Variants in TRIM26 observed in about 807,000 individuals in gnomAD.
The protein encoded by TRIM26 is tripartite motif containing 26.
In TRIM26, 16 loss-of-function variants were observed where a neutral mutation model predicts 45.5. That is an observed-to-expected ratio of 0.35 (90% confidence interval 0.24 to 0.53). The LOEUF (loss-of-function observed/expected upper bound fraction) is 0.53, where lower values mean the gene tolerates loss of function less well. Ranked by LOEUF, TRIM26 falls within the 20% of genes least tolerant of loss-of-function variation. The probability of loss-of-function intolerance (pLI) is 0.92; values close to 1 mark genes in which losing one functional copy is unlikely to be tolerated. For missense variants in TRIM26, 442 were observed against 691.1 expected, an observed-to-expected ratio of 0.64 and a Z score of 4.04; for synonymous variants, 273 against 290.4, an observed-to-expected ratio of 0.94 and a Z score of 0.61.
At position 30,198,832 on chromosome 6, in the gene TRIM26, T is replaced by A. The variant is rs147738640; in HGVS notation, c.272A>T (p.Glu91Val). 1 of 1,612,052 alleles carries A rather than the reference T, an allele frequency of 6.2e-7. No individual in the cohort carries two copies. Among genetic ancestry groups the A allele is most frequent in the African/African-American group, 1.3e-5 (1 of 74,686 alleles). ...TGCATCCTGCTGCTCCCGGGTCACC[T>A]CTCCCGGCTGCCTGCCCTTGTCCAC... Reference protein sequence around the residue: ...LKVDKGRQPGEVTREQQDAKL... With the variant: ...LKVDKGRQPGVVTREQQDAKL... The change falls in exon 4 of 10, where the codon GAG becomes GTG. Residue 91 changes from glutamate (E) to valine (V), a missense_variant. Physicochemically the swap from Glu to Val is moderately radical, Grantham distance 121. Transcript: ENST00000454678. This position sits in a 1 kb window ranked among gnomAD's most constrained non-coding sequence, Gnocchi z 6.3.
chr6:30,186,274 C>T lies in TRIM26; in HGVS notation c.1222G>A (p.Asp408Asn). The change falls in exon 10 of 10, where the codon GAC (aspartate) becomes AAC (asparagine). Residue 408 changes from aspartate to asparagine, a missense_variant. Coordinates refer to ENST00000454678, the MANE Select transcript of TRIM26 (RefSeq NM_003449.5). This position sits in a 1 kb window ranked among gnomAD's most constrained non-coding sequence, Gnocchi z 7.4. ...EEEAGYGDGY[D>N]DWETDEDEES... ...TCATCTTCGTCCGTTTCCCAGTCGT[C>T]ATATCCATCCCCATAGCCGGCCTCC... 2 of 1,608,430 alleles carry T rather than the reference C, an allele frequency of 1.2e-6. No homozygotes were observed. Among genetic ancestry groups the T allele is most frequent in the Non-Finnish European group, 1.7e-6 (2 of 1,176,864 alleles).
chr6:30,212,918 A>T (rs1460928899), intron 1 of TRIM26, among the ~76,000 whole-genome samples: 3 of 40,228 alleles, frequency 7.5e-5, no homozygotes, highest in Non-Finnish European at 1.9e-4. Flanking sequence ...CTCCGAACAA[A>T]AAAAAAAAAA....
intron 6 of TRIM26, among the ~76,000 whole-genome samples, chr6:30,195,937 T>A (rs1776415982): frequency 6.6e-6 from 1 of 151,978 alleles, no homozygotes; most frequent in Admixed American, 6.6e-5. Context: ...CCCCAAACCC[T>A]CCCTTTCTCA....
At chr6:30,199,857 T>C (rs1182575211) in intron 3 of TRIM26, among the ~76,000 whole-genome samples, 2 of 152,208 alleles carry the variant, frequency 1.3e-5, no homozygotes, top group East Asian at 1.9e-4. Flanking sequence ...AGGATGGTCT[T>C]GATCTCCCGA....
At position 30,196,550 on chromosome 6, in the gene TRIM26, C is replaced by A; in HGVS notation, c.731G>T (p.Gly244Val). The A allele has an allele frequency of 6.2e-7, 1 of 1,610,794 alleles. No individual in the cohort carries two copies. The part of the protein sequence containing the change: ...RLALVISELE[G>V]KAQQPAAELM... ...CTCTGCAGCTGGCTGCTGCGCCTTG[C>A]CCTCCAGTTCGGAGATGACCAGGGC... The change falls in exon 6 of 10, where the codon GGC (glycine) becomes GTC (valine). Residue 244 changes from glycine to valine, a missense_variant. Coordinates refer to ENST00000454678, the MANE Select transcript of TRIM26 (RefSeq NM_003449.5). The surrounding 1 kb of genome is among the most constrained non-coding windows in gnomAD (Gnocchi z 4.9).
chr6:30,199,888 G>C (rs182990157), intron 3 of TRIM26, among the ~76,000 whole-genome samples: 1 of 151,848 alleles, frequency 6.6e-6, no homozygotes, highest in African/African-American at 2.4e-5. Flanking sequence ...CACCTGCCTC[G>C]GCCTCCCAAA....
In TRIM26 at chr6:30,185,773, G is replaced by A. The variant is rs984354054; in HGVS notation, c.*103C>T. 3 of 1,353,574 alleles carry A rather than the reference G, an allele frequency of 2.2e-6. No individual in the cohort carries two copies. The highest frequency in any genetic ancestry group is 3.0e-6 in the Non-Finnish European group (3 of 997,710). The allele number at this position is 1,353,574 out of a possible 1,614,324, so 83.8% of individuals were successfully genotyped here. A position where few individuals can be genotyped will look rare whatever the true frequency, so the allele number is the denominator to read the frequency against. On this transcript the variant is annotated 3_prime_UTR_variant, in exon 10 of 10. Coordinates refer to ENST00000454678, the MANE Select transcript of TRIM26 (RefSeq NM_003449.5). The surrounding 1 kb of genome is among the most constrained non-coding windows in gnomAD (Gnocchi z 5.7). ...GCTACCAGTGGATATGGGGTCCCCT[G>A]CTCCAGGTGCTTAGGCCAGGCATCC...
chr6:30,188,217 C>CAAAAAAAAAAAAAA (rs9280914), intron 9 of TRIM26: 73 of 105,366 alleles, frequency 6.9e-4, no homozygotes, highest in African/African-American at 1.0e-3. Flanking sequence ...GACTCCGTCT[C>CAAAAAAAAAAAAAA]AAAAAAAAAA....
At position 30,189,865 on chromosome 6, in the gene TRIM26, T is replaced by C. The variant is rs185548548; in HGVS notation, c.788+148A>G. The C allele has an allele frequency of 5.3e-4, 487 of 910,886 alleles. 2 individuals carry two copies. The highest frequency in any genetic ancestry group is 1.3e-3 in the Middle Eastern group (4 of 3,198). 56.4% of individuals were successfully genotyped at this position (910,886 alleles called of 1,614,324 possible). ...GTCTCCAGTTCTCAATGATGTGTCC[T>C]GCTCCTCAGAAGGGCATCAGGATGA... On this transcript the variant is annotated intron_variant, in intron 7 of 9. Transcript: ENST00000454678. This position sits in a 1 kb window ranked among gnomAD's most constrained non-coding sequence, Gnocchi z 5.0.
chr6:30,185,767 T>A lies in TRIM26; in HGVS notation c.*109A>T. 7.9e-7 allele frequency: 1 copy of A among 1,271,624 alleles called. No homozygotes were observed. Among genetic ancestry groups the A allele is most frequent in the South Asian group, 1.5e-5 (1 of 66,242 alleles). 78.8% of individuals were successfully genotyped at this position (1,271,624 alleles called of 1,614,324 possible). On this transcript the variant is annotated 3_prime_UTR_variant, in exon 10 of 10. Transcript: ENST00000454678. This position sits in a 1 kb window ranked among gnomAD's most constrained non-coding sequence, Gnocchi z 5.7. ...GAGGTGGCTACCAGTGGATATGGGG[T>A]CCCCTGCTCCAGGTGCTTAGGCCAG... is the stretch of plus-strand genomic sequence containing the variant.
In TRIM26 at chr6:30,193,182, A is replaced by ATATATAT. The variant is rs9280916; in HGVS notation, c.766-3148_766-3147insATATATA. On this transcript the variant is annotated intron_variant, in intron 6 of 9. Coordinates refer to ENST00000454678, the MANE Select transcript of TRIM26 (RefSeq NM_003449.5). ...TGTGTGTATATATATATATATATAT[A>ATATATAT]TTTTTTTTTTTTTTTTTTTAATGGA... Among the ~76,000 whole-genome samples the ATATATAT allele has an allele frequency of 4.6e-4, 18 of 38,806 alleles. 1 individual carries two copies. Among genetic ancestry groups the ATATATAT allele is most frequent in the Non-Finnish European group, 7.8e-4 (18 of 22,994 alleles). 25.5% of individuals were successfully genotyped at this position (38,806 alleles called of 152,430 possible). A position where few individuals can be genotyped will look rare whatever the true frequency, so the allele number is the denominator to read the frequency against.
chr6:30,211,685 T>C (rs1937083983), intron 1 of TRIM26, among the ~76,000 whole-genome samples: 4 of 152,148 alleles, frequency 2.6e-5, no homozygotes, highest in African/African-American at 9.7e-5. Flanking sequence ...AAAAGCTCTA[T>C]AAAAATACTA....
chr6:30,188,173 T>C (rs913895516), intron 9 of TRIM26: 28 of 151,260 alleles, frequency 1.9e-4, no homozygotes, highest in Non-Finnish European at 3.6e-4. Flanking sequence ...TGAGCCGAGA[T>C]TGCGCCACTG....
chr6:30,184,541 T>A lies in TRIM26; in HGVS notation c.*1335A>T, dbSNP rs1201610744. 1 of 152,460 alleles carries A rather than the reference T, an allele frequency of 6.6e-6. No homozygotes were observed. Among genetic ancestry groups the A allele is most frequent in the Non-Finnish European group, 1.5e-5 (1 of 68,046 alleles). The allele number at this position is 152,460 out of a possible 1,614,324, so 9.4% of individuals were successfully genotyped here. ...AGAATACAAGAGTAGTATAAGATGT[T>A]ATCCGCCCTCCAGGAGCTTACAAAA... On this transcript the variant is annotated 3_prime_UTR_variant, in exon 10 of 10. Transcript: ENST00000454678.
At position 30,199,219 on chromosome 6, in the gene TRIM26, G is replaced by A; in HGVS notation, c.-116C>T. 1.0e-6 allele frequency: 1 copy of A among 990,482 alleles called. No homozygotes were observed. Among genetic ancestry groups the A allele is most frequent in the Non-Finnish European group, 1.4e-6 (1 of 692,050 alleles). 61.4% of individuals were successfully genotyped at this position (990,482 alleles called of 1,614,324 possible). A position where few individuals can be genotyped will look rare whatever the true frequency, so the allele number is the denominator to read the frequency against. On this transcript the variant is annotated 5_prime_UTR_variant, in exon 4 of 10. Coordinates refer to ENST00000454678, the MANE Select transcript of TRIM26 (RefSeq NM_003449.5). ...GGGGCAAAGGTGGCAGCCTGCACAGGGCTGCCAGCTCCAGCACTCAGTCAA... is the reference window on the plus strand; with the variant it reads ...GGGGCAAAGGTGGCAGCCTGCACAGAGCTGCCAGCTCCAGCACTCAGTCAA...
At chr6:30,211,354 G>A (rs1778267712) in intron 1 of TRIM26, among the ~76,000 whole-genome samples, 1 of 152,204 alleles carries the variant, frequency 6.6e-6, no homozygotes, top group African/African-American at 2.4e-5. Context: ...GCCAATTTAT[G>A]TTTTTGTCTT....
chr6:30,189,515 G>A lies in TRIM26; in HGVS notation c.807C>T (p.Phe269=), dbSNP rs765979. 4 of 1,612,858 alleles carry A rather than the reference G, an allele frequency of 2.5e-6. No homozygotes were observed. The African/African-American group carries it at 5.3e-5, about 22-fold the overall frequency. ...DFLNRYPRKK[F]WVGKPIARVV... is the part of the protein sequence containing the mutation. ...CTCGAGCAATGGGTTTCCCAACCCA[G>A]AACTTCTTCCGTGGATACCTAAGAA... is the stretch of plus-strand genomic sequence containing the variant. Residue 269 remains phenylalanine (F), a synonymous_variant, in exon 8 of 10, where the codon TTC becomes TTT. Coordinates refer to ENST00000454678, the MANE Select transcript of TRIM26 (RefSeq NM_003449.5). The surrounding 1 kb of genome is among the most constrained non-coding windows in gnomAD (Gnocchi z 5.0).
In TRIM26 at chr6:30,186,140, G is replaced by A. The variant is rs1471245005; in HGVS notation, c.1356C>T (p.Leu452=). ...ARDSVKRKGD[L]SLRPEDGVWA... ...ACACGCCATCCTCTGGCCGCAGGGA[G>A]AGGTCTCCCTTCCTCTTCACAGAGT... The change falls in exon 10 of 10, where the codon CTC becomes CTT. Residue 452 remains leucine (L), a synonymous_variant. Transcript: ENST00000454678. This position sits in a 1 kb window ranked among gnomAD's most constrained non-coding sequence, Gnocchi z 7.4. The A allele has an allele frequency of 6.3e-7, 1 of 1,593,562 alleles. No individual in the cohort carries two copies. The highest frequency in any genetic ancestry group is 2.3e-5 in the East Asian group (1 of 43,724).
rs764773354 is a variant in TRIM26 at position 30,199,144 on chromosome 6, ACTT to A, written c.-44_-42del. 7.3e-6 allele frequency: 11 copies of A among 1,512,880 alleles called. No individual in the cohort carries two copies. In the East Asian group the frequency reaches 1.6e-4, roughly 22 times the overall value. 93.7% of individuals were successfully genotyped at this position (1,512,880 alleles called of 1,614,324 possible). A position where few individuals can be genotyped will look rare whatever the true frequency, so the allele number is the denominator to read the frequency against. ...GAGAGGTCTCCGTTCACTGGTGAGGACTTCTTCTCCTTGGAGACGCGACATAGA... is the reference window on the plus strand; with the variant it reads ...GAGAGGTCTCCGTTCACTGGTGAGGACTTCTCCTTGGAGACGCGACATAGA... On this transcript the variant is annotated 5_prime_UTR_variant, in exon 4 of 10. Transcript: ENST00000454678.
Sources: gnomAD v4.1 joint callset for allele counts (sites outside exome capture counted in the v4.1 genomes callset) on GRCh38, gnomAD v4.1.1 for gene constraint, Gnocchi (gnomAD v3.1) non-coding constraint, MANE v1.5 for transcripts, NCBI Gene and HGNC (gene_info 2026-07-23, HGNC 2026-07-21) for gene names.